The following UNC13C variants were observed in gnomAD, a reference collection of about 807,000 sequenced individuals.
UNC13C encodes unc-13 homolog C.
In UNC13C, 174 loss-of-function variants were observed where a neutral mutation model predicts 245.4. That is an observed-to-expected ratio of 0.71 (90% CI 0.63 to 0.80). The LOEUF is 0.80. Ranked by LOEUF, UNC13C falls within the 30% of genes least tolerant of loss-of-function variation. UNC13C has a pLI of 0.00. For missense variants in UNC13C, 2,829 were observed against 2,602.9 expected (o/e 1.09, Z -1.89); for synonymous variants, 992 against 895.1 (o/e 1.11, Z -1.93).
intron 18 of UNC13C, among the ~76,000 whole-genome samples, chr15:54,394,459 TGTC>T (rs2040029523): frequency 6.6e-6 from 1 of 151,820 alleles, no homozygotes; most frequent in Admixed American, 6.6e-5. Flanking sequence ...ATCTATAACA[TGTC>T]GTCATCGCAT....
chr15:54,211,851 C>T (rs533983835), intron 4 of UNC13C, among the ~76,000 whole-genome samples: 2 of 152,084 alleles, frequency 1.3e-5, no homozygotes, highest in Admixed American at 6.6e-5. Flanking sequence ...CAGGATGCAG[C>T]GTTATTTTTC....
intron 4 of UNC13C, among the ~76,000 whole-genome samples, chr15:54,204,885 T>C (rs1183865915): frequency 6.6e-6 from 1 of 152,040 alleles, no homozygotes; most frequent in Non-Finnish European, 1.5e-5. Flanking sequence ...ATTTTTATTA[T>C]TGCCATGCAT....
intron 30 of UNC13C, among the ~76,000 whole-genome samples, chr15:54,585,872 A>G (rs1302973540): frequency 6.6e-6 from 1 of 152,254 alleles, no homozygotes; most frequent in East Asian, 1.9e-4. Flanking sequence ...CATTTGTCAA[A>G]CAACTTTCAT....
chr15:54,480,534 C>A (rs1469805829), intron 19 of UNC13C, among the ~76,000 whole-genome samples: 1 of 144,764 alleles, frequency 6.9e-6, no homozygotes, highest in Non-Finnish European at 1.5e-5. Context: ...TATGTTTTTT[C>A]ATTCATTAAA....
chr15:53,894,244 T>C, the UNC13C span, among the ~76,000 whole-genome samples: 1 of 152,254 alleles, frequency 6.6e-6, no homozygotes, highest in African/African-American at 2.4e-5. Flanking sequence ...ACCTTCTGTG[T>C]CAATCGCGCT....
intron 17 of UNC13C, among the ~76,000 whole-genome samples, chr15:54,349,874 G>A (rs2038941721): frequency 1.3e-5 from 2 of 152,164 alleles, no homozygotes; most frequent in African/African-American, 4.8e-5. Flanking sequence ...GAATATTGTG[G>A]GGCACTTAGG....
At chr15:54,621,825 A>C (rs909014104) in intron 30 of UNC13C, among the ~76,000 whole-genome samples, 1 of 152,162 alleles carries the variant, frequency 6.6e-6, no homozygotes, top group Non-Finnish European at 1.5e-5. Context: ...TGACTTTTTA[A>C]AATGCTATCG....
intron 1 of UNC13C, among the ~76,000 whole-genome samples, chr15:53,982,708 T>G (rs998363690): frequency 4.6e-5 from 7 of 152,164 alleles, no homozygotes; most frequent in Non-Finnish European, 1.0e-4. Context: ...ATACTGTAAT[T>G]AATCAAATCC....
chr15:54,188,107 C>T (rs1038173632), intron 4 of UNC13C, among the ~76,000 whole-genome samples: 5 of 152,114 alleles, frequency 3.3e-5, no homozygotes, highest in East Asian at 1.9e-4. Flanking sequence ...CATGAGCCTT[C>T]GAGCCCGGCC....
chr15:53,934,683 A>G, the UNC13C span, among the ~76,000 whole-genome samples: 7 of 152,170 alleles, frequency 4.6e-5, no homozygotes, highest in African/African-American at 1.7e-4. Context: ...CTTATGAGTA[A>G]CAGATACTCA....
At chr15:54,307,718 A>G (rs183036654) in intron 13 of UNC13C, among the ~76,000 whole-genome samples, 2 of 152,064 alleles carry the variant, frequency 1.3e-5, no homozygotes, top group African/African-American at 2.4e-5. Context: ...GTCTTCCTCT[A>G]AAATCTGTGC....
the UNC13C span, among the ~76,000 whole-genome samples, chr15:53,926,795 G>A: frequency 2.6e-5 from 4 of 152,296 alleles, no homozygotes; most frequent in Non-Finnish European, 5.9e-5. Context: ...TCATGTTCCA[G>A]AGAGAAGGAC....
At chr15:54,024,086 G>A (rs955366669) in intron 2 of UNC13C, among the ~76,000 whole-genome samples, 2 of 152,192 alleles carry the variant, frequency 1.3e-5, no homozygotes, top group Non-Finnish European at 2.9e-5. Flanking sequence ...GAATGGGGTA[G>A]ATGGAATAGC....
At chr15:53,842,917 T>TAA in the UNC13C span, among the ~76,000 whole-genome samples, 13 of 146,838 alleles carry the variant, frequency 8.9e-5, no homozygotes, top group East Asian at 4.0e-4. Context: ...TATATATATA[T>TAA]AATGTAAAAA....
chr15:53,936,090 A>C, the UNC13C span, among the ~76,000 whole-genome samples: 4 of 152,152 alleles, frequency 2.6e-5, no homozygotes, highest in Non-Finnish European at 5.9e-5. Context: ...TTGGAATTCC[A>C]GCTGTTTAGG....
chr15:54,480,321 T>A (rs1893033184), intron 19 of UNC13C, among the ~76,000 whole-genome samples: 1 of 151,502 alleles, frequency 6.6e-6, no homozygotes, highest in African/African-American at 2.4e-5. Context: ...TTCCATTGGC[T>A]TTCTTCTCAC....
At chr15:53,985,778 C>T (rs1222327483) in intron 1 of UNC13C, among the ~76,000 whole-genome samples, 2 of 151,992 alleles carry the variant, frequency 1.3e-5, no homozygotes, top group East Asian at 3.9e-4. Flanking sequence ...GTTTGTCTTC[C>T]TCTTGTTGAT....
chr15:54,599,260 C>G (rs1223110623), intron 30 of UNC13C, among the ~76,000 whole-genome samples: 1 of 152,028 alleles, frequency 6.6e-6, no homozygotes, highest in Admixed American at 6.6e-5. Context: ...ATACAAATCC[C>G]TGCTTCAAGA....
intron 18 of UNC13C, among the ~76,000 whole-genome samples, chr15:54,407,840 C>T (rs2040328496): frequency 6.6e-6 from 1 of 151,808 alleles, no homozygotes; most frequent in South Asian, 2.1e-4. Context: ...TAGCCTAATA[C>T]CAACAAAAAA....
Sources: allele counts gnomAD v4.1 joint callset (sites outside exome capture counted in the v4.1 genomes callset), GRCh38; gene constraint gnomAD v4.1.1; transcripts MANE v1.5; gene names NCBI Gene and HGNC (gene_info 2026-07-23, HGNC 2026-07-21).